CNGB1: variants seen among roughly 807,000 people sequenced by gnomAD.
CNGB1 encodes cyclic nucleotide-gated channel beta-1.
CNGB1 carries 126 observed loss-of-function variants against 151.7 expected under a neutral mutation model. The ratio of observed to expected loss-of-function variants is 0.83; its 90% CI spans 0.72 to 0.96. The LOEUF is 0.96. CNGB1 is among the 40% of genes least tolerant of loss of function. The pLI is 0.00. For missense variants in CNGB1, 1,698 were observed against 1,627.0 expected (o/e 1.04, Z -0.75); for synonymous variants, 623 against 635.1 (o/e 0.98, Z 0.29).
intron 19 of CNGB1, 28 bp downstream of exon 19, chr16:57,920,359 G>T: frequency 6.2e-7 from 1 of 1,613,514 alleles, no homozygotes; most frequent in Non-Finnish European, 8.5e-7. Context: ...TCCCCATCCA[G>T]GTAGACCCCC....
chr16:57,969,916 CAG>C (rs766044834), intron 1 of CNGB1, among the ~76,000 whole-genome samples: 6 of 152,190 alleles, frequency 3.9e-5, no homozygotes, highest in Non-Finnish European at 8.8e-5. Context: ...CGGGCTTTGG[CAG>C]AGAGTCTGTA....
intron 16 of CNGB1, among the ~76,000 whole-genome samples, chr16:57,933,644 C>T (rs775291983): frequency 1.3e-5 from 2 of 152,178 alleles, no homozygotes; most frequent in Non-Finnish European, 2.9e-5. Flanking sequence ...GGCAGGGATA[C>T]ACCCCCCAAA....
In CNGB1 at chr16:57,943,665, C is replaced by T. The variant is rs905508357; in HGVS notation, c.1122-3344G>A. Among the ~76,000 whole-genome samples, 7 of 151,816 alleles carry T rather than the reference C, an allele frequency of 4.6e-5. No individual in the cohort carries two copies. In the East Asian group the frequency reaches 7.7e-4, roughly 17 times the overall value. On this transcript the variant is annotated intron_variant, in intron 14 of 32. Coordinates refer to ENST00000251102, the MANE Select transcript of CNGB1 (RefSeq NM_001297.5). ...AGCTGTCTGTCGCCCTGCCCCCACC[C>T]GAAAAAAGACAAGATAGCAAGTGTT...
Position 57,911,791 on chromosome 16 carries a change from G to A in CNGB1, c.2454C>T (p.Leu818=), listed in dbSNP as rs528283367. 6.8e-6 allele frequency: 11 copies of A among 1,614,108 alleles called. No homozygotes were observed. Among genetic ancestry groups the A allele is most frequent in the South Asian group, 2.2e-5 (2 of 91,076 alleles). Reference sequence around the variant, plus strand: ...CATCGTAAACCCAGTGAGTGGAGCCGAGGCCCTGATAGGCCGATGCCCAGT... The same window carrying A: ...CATCGTAAACCCAGTGAGTGGAGCCAAGGCCCTGATAGGCCGATGCCCAGT... ...LYYWASAYQG[L]GSTHWVYDGV... Residue 818 remains leucine, a synonymous_variant, in exon 25 of 33, where the codon CTC becomes CTT. Transcript: ENST00000251102.
chr16:57,945,279 C>G (rs577660853), intron 14 of CNGB1, among the ~76,000 whole-genome samples: 1 of 152,314 alleles, frequency 6.6e-6, no homozygotes, highest in South Asian at 2.1e-4. Context: ...GGGTTAAAGA[C>G]AGGTCTCCGG....
rs1209527183 is a variant in CNGB1, at chr16:57,897,345, G to T, written c.3242+52C>A. 24 of 1,556,314 alleles carry T rather than the reference G, an allele frequency of 1.5e-5. No individual in the cohort carries two copies. In the Admixed American group the frequency reaches 2.2e-4, roughly 14 times the overall value. ...ATAAAGGTACTGTGGTTATGTAAGA[G>T]AAATTCATTGTCCTTAGCAATTTTT... On this transcript the variant is annotated intron_variant, in intron 31 of 32. Transcript: ENST00000251102.
rs1959780073 is a variant in CNGB1 at position 57,882,427 on chromosome 16, A to C, written c.*1737T>G. 1 of 152,076 alleles carries C rather than the reference A, an allele frequency of 6.6e-6. No individual in the cohort carries two copies. Among genetic ancestry groups the C allele is most frequent in the East Asian group, 1.9e-4 (1 of 5,198 alleles). The allele number at this position is 152,076 out of a possible 1,614,324, so 9.4% of individuals were successfully genotyped here. On this transcript the variant is annotated 3_prime_UTR_variant, in exon 33 of 33. Coordinates refer to ENST00000251102, the MANE Select transcript of CNGB1 (RefSeq NM_001297.5). ...TCACGTGACAAGCCATCAACTAGAC[A>C]AATCTGTTTCTGACTCTGGGGTTTG...
rs772116942 is a variant in CNGB1, at chr16:57,899,659, CAAAT to C, written c.2976+1689_2976+1692del. Reference sequence around the variant, plus strand: ...GGTCTCAAATAAACAAACAAACAAACAAATAAATAAATAAGGGGTGGGGGGAGTG... The same window carrying C: ...GGTCTCAAATAAACAAACAAACAAACAAATAAATAAGGGGTGGGGGGAGTG... On this transcript the variant is annotated intron_variant, in intron 29 of 32. Coordinates refer to ENST00000251102, the MANE Select transcript of CNGB1 (RefSeq NM_001297.5). Among the ~76,000 whole-genome samples the C allele has an allele frequency of 3.7e-3, 558 of 149,622 alleles. 3 individuals carry two copies. The highest frequency in any genetic ancestry group is 0.011 in the Middle Eastern group (3 of 280).
chr16:57,964,113 G>A lies in CNGB1; in HGVS notation c.290+17C>T, dbSNP rs1962328068. The A allele has an allele frequency of 1.2e-6, 2 of 1,613,360 alleles. No homozygotes were observed. Among genetic ancestry groups the A allele is most frequent in the Non-Finnish European group, 1.7e-6 (2 of 1,179,612 alleles). ...GAGGCGGGCTGGCCCTGAAGAGAGG[G>A]GAGGGTGGTGCAGTACCTATTCATT... is the stretch of plus-strand genomic sequence containing the variant. On this transcript the variant is annotated intron_variant, in intron 4 of 32. Coordinates refer to ENST00000251102, the MANE Select transcript of CNGB1 (RefSeq NM_001297.5).
At chr16:57,918,463 T>C (rs1470525105) in intron 20 of CNGB1, among the ~76,000 whole-genome samples, 5 of 152,210 alleles carry the variant, frequency 3.3e-5, no homozygotes, top group African/African-American at 1.2e-4. Flanking sequence ...GGGTTATTTC[T>C]GAGGAATATG....
chr16:57,889,064 T>C (rs1159321542), intron 31 of CNGB1, among the ~76,000 whole-genome samples: 1 of 152,166 alleles, frequency 6.6e-6, no homozygotes, highest in African/African-American at 2.4e-5. Context: ...TTTTAAACAA[T>C]CGAATACAAC....
chr16:57,929,035 ACTT>A (rs1267730760), intron 17 of CNGB1, among the ~76,000 whole-genome samples: 1 of 152,232 alleles, frequency 6.6e-6, no homozygotes, highest in Admixed American at 6.5e-5. Context: ...CCATCTAAAA[ACTT>A]CTGCATAGAA....
chr16:57,960,471 C>T lies in CNGB1; in HGVS notation c.583+11G>A, dbSNP rs1361174650. 1 of 1,612,932 alleles carries T rather than the reference C, an allele frequency of 6.2e-7. No individual in the cohort carries two copies. Among genetic ancestry groups the T allele is most frequent in the Admixed American group, 1.7e-5 (1 of 59,896 alleles). On this transcript the variant is annotated intron_variant, in intron 9 of 32. Coordinates refer to ENST00000251102, the MANE Select transcript of CNGB1 (RefSeq NM_001297.5). ...CCCAGGCAGCCCCCTCCCGAGCTCCCCTCCCTGTACCTGGGTCTGAGGCAG... is the reference window on the plus strand; with the variant it reads ...CCCAGGCAGCCCCCTCCCGAGCTCCTCTCCCTGTACCTGGGTCTGAGGCAG...
Position 57,896,487 on chromosome 16 carries a change from G to T in CNGB1, c.3242+910C>A, listed in dbSNP as rs541803307. Among the ~76,000 whole-genome samples, 9 of 152,176 alleles carry T rather than the reference G, an allele frequency of 5.9e-5. No homozygotes were observed. In the South Asian group the frequency reaches 6.2e-4, roughly 11 times the overall value. ...CCCAGCACTTTGGGAGGCCGAGGGGGGTGGATCACGATGTCAGGAGTTTGA... is the reference window on the plus strand; with the variant it reads ...CCCAGCACTTTGGGAGGCCGAGGGGTGTGGATCACGATGTCAGGAGTTTGA... On this transcript the variant is annotated intron_variant, in intron 31 of 32. Coordinates refer to ENST00000251102, the MANE Select transcript of CNGB1 (RefSeq NM_001297.5).
chr16:57,942,445 T>C (rs1302322500), intron 14 of CNGB1, among the ~76,000 whole-genome samples: 3 of 152,014 alleles, frequency 2.0e-5, no homozygotes, highest in African/African-American at 7.2e-5. Flanking sequence ...CAATGAACTA[T>C]CTGAAAAAGA....
chr16:57,959,840 T>G, intron 10 of CNGB1, 48 bp downstream of exon 10: 1 of 1,455,048 alleles, frequency 6.9e-7, no homozygotes, highest in Non-Finnish European at 9.1e-7. Context: ...GGGGACAAGG[T>G]GCTCATCCTG....
chr16:57,933,811 C>G (rs1961429039), intron 16 of CNGB1, among the ~76,000 whole-genome samples: 1 of 146,920 alleles, frequency 6.8e-6, no homozygotes, highest in Admixed American at 6.8e-5. Context: ...CAACCTCTGC[C>G]TCCCAGGTTC....
chr16:57,916,266 C>A (rs554116883), intron 21 of CNGB1, 87 bp from the exon 22 acceptor site: 5 of 1,341,196 alleles, frequency 3.7e-6, no homozygotes, highest in African/African-American at 2.9e-5. Context: ...CCCCAAGAAC[C>A]CCACCCTGAA....
At chr16:57,899,872 G>A (rs544534730) in intron 29 of CNGB1, among the ~76,000 whole-genome samples, 1 of 152,316 alleles carries the variant, frequency 6.6e-6, no homozygotes, top group South Asian at 2.1e-4. Context: ...GTGTCTCAGA[G>A]AGATCGCTGC....
Sources: allele counts gnomAD v4.1 joint callset (sites outside exome capture counted in the v4.1 genomes callset), GRCh38; gene constraint gnomAD v4.1.1; transcripts MANE v1.5; gene names NCBI Gene and HGNC (gene_info 2026-07-23, HGNC 2026-07-21).